PDE3A: variants seen among roughly 807,000 people sequenced by gnomAD.
PDE3A encodes phosphodiesterase 3A.
In PDE3A, 43 loss-of-function variants were observed where a neutral mutation model predicts 98.3. The ratio of observed to expected loss-of-function variants is 0.44; its 90% CI spans 0.34 to 0.56. The LOEUF (loss-of-function observed/expected upper bound fraction) is 0.56. PDE3A is among the 20% of genes least tolerant of loss of function. PDE3A has a pLI of 0.01. For synonymous variants in PDE3A, 663 were observed against 567.9 expected (o/e 1.17, Z -2.38); for missense variants, 1,427 against 1,440.7 (o/e 0.99, Z 0.15).
intron 1 of PDE3A, among the ~76,000 whole-genome samples, chr12:20,465,154 AG>A (rs1945319296): frequency 6.6e-6 from 1 of 152,164 alleles, no homozygotes; most frequent in African/African-American, 2.4e-5. Context: ...TTCCTTTCTG[AG>A]GATAAAAGTC....
intron 1 of PDE3A, among the ~76,000 whole-genome samples, chr12:20,480,232 G>A (rs544618563): frequency 1.3e-5 from 2 of 152,276 alleles, no homozygotes; most frequent in South Asian, 4.1e-4. Flanking sequence ...GGCAGTTAGT[G>A]TCAATGCTAC....
chr12:20,481,749 T>C (rs1434913598), intron 1 of PDE3A, among the ~76,000 whole-genome samples: 2 of 138,298 alleles, frequency 1.4e-5, no homozygotes, highest in Non-Finnish European at 1.5e-5. Context: ...TCCATGTAAG[T>C]GACTTGGGAA....
intron 1 of PDE3A, among the ~76,000 whole-genome samples, chr12:20,526,439 T>G (rs1025341844): frequency 1.3e-5 from 2 of 152,202 alleles, no homozygotes; most frequent in Non-Finnish European, 2.9e-5. Context: ...TTGAAAATCA[T>G]TTTTTAAATC....
chr12:20,471,568 A>G (rs1945440823), intron 1 of PDE3A, among the ~76,000 whole-genome samples: 1 of 152,074 alleles, frequency 6.6e-6, no homozygotes, highest in Non-Finnish European at 1.5e-5. Context: ...CATTGCTATT[A>G]TTTTCTGAAC....
chr12:20,408,987 C>T (rs1040019254), intron 1 of PDE3A, among the ~76,000 whole-genome samples: 1 of 152,160 alleles, frequency 6.6e-6, no homozygotes, highest in African/African-American at 2.4e-5. Context: ...TCCTCTCTCC[C>T]TCCCTTTCTT....
intron 13 of PDE3A, 74 bp from the exon 14 acceptor site, chr12:20,650,371 C>G: frequency 1.1e-6 from 1 of 910,562 alleles, no homozygotes; most frequent in East Asian, 2.4e-5. Context: ...AATAAATGTT[C>G]TATTGTTTTT....
intron 1 of PDE3A, among the ~76,000 whole-genome samples, chr12:20,518,632 G>A (rs976557830): frequency 1.3e-5 from 2 of 152,004 alleles, no homozygotes; most frequent in East Asian, 3.9e-4. Context: ...ATTAATAGAT[G>A]TTTCAGATCC....
At chr12:20,626,788 G>A (rs370255563) in intron 5 of PDE3A, among the ~76,000 whole-genome samples, 15 of 152,132 alleles carry the variant, frequency 9.9e-5, no homozygotes, top group East Asian at 3.9e-4. Context: ...ATGAGCCACC[G>A]CGCCTAGCCG....
chr12:20,402,508 T>C (rs1944151485), intron 1 of PDE3A, among the ~76,000 whole-genome samples: 1 of 152,116 alleles, frequency 6.6e-6, no homozygotes, highest in South Asian at 2.1e-4. Context: ...AAATCAAATA[T>C]AAAATCATTT....
intron 1 of PDE3A, among the ~76,000 whole-genome samples, chr12:20,447,144 G>A (rs191888739): frequency 1.6e-3 from 239 of 152,314 alleles, no homozygotes; most frequent in African/African-American, 5.4e-3. Flanking sequence ...GGCAGCATGA[G>A]ACAAGCCTCT....
intron 2 of PDE3A, among the ~76,000 whole-genome samples, chr12:20,578,429 A>G (rs1942987625): frequency 1.3e-5 from 2 of 151,494 alleles, no homozygotes; most frequent in African/African-American, 2.4e-5. Context: ...TCTATTGGGT[A>G]TGGCTTTGGC....
At chr12:20,604,972 G>GTGTT (rs1943676003) in intron 2 of PDE3A, among the ~76,000 whole-genome samples, 2 of 152,148 alleles carry the variant, frequency 1.3e-5, no homozygotes, top group South Asian at 4.1e-4. Flanking sequence ...GCCTTTAGGT[G>GTGTT]TGTTGTGATT....
intron 3 of PDE3A, among the ~76,000 whole-genome samples, chr12:20,615,573 ACTT>A (rs1416769003): frequency 6.6e-6 from 1 of 152,122 alleles, no homozygotes; most frequent in Non-Finnish European, 1.5e-5. Flanking sequence ...TTGAGGAAGA[ACTT>A]CTCATAATAA....
chr12:20,573,436 C>T (rs1942851297), intron 2 of PDE3A, among the ~76,000 whole-genome samples: 1 of 151,426 alleles, frequency 6.6e-6, no homozygotes, highest in South Asian at 2.1e-4. Context: ...ATTATTATAC[C>T]TTTACCTATG....
intron 1 of PDE3A, among the ~76,000 whole-genome samples, chr12:20,551,366 A>C (rs1246230008): frequency 6.6e-6 from 1 of 152,142 alleles, no homozygotes; most frequent in Middle Eastern, 3.4e-3. Context: ...AGTTTTATAT[A>C]GCCAGATCAA....
At position 20,369,533 on chromosome 12, in the gene PDE3A, G is replaced by A; in HGVS notation, c.249G>A (p.Gly83=). The change falls in exon 1 of 16, where the codon GGG becomes GGA. Residue 83 remains glycine (G), a synonymous_variant. Transcript: ENST00000359062. The part of the protein sequence containing the change: ...LLALLVRLVR[G]EVGCDLEQCK... ...CGCTGCTGGTGAGGCTGGTCCGCGGGGAGGTCGGCTGTGACCTGGAGCAGT... is the reference window on the plus strand; with the variant it reads ...CGCTGCTGGTGAGGCTGGTCCGCGGAGAGGTCGGCTGTGACCTGGAGCAGT... 1 of 1,559,184 alleles carries A rather than the reference G, an allele frequency of 6.4e-7. No homozygotes were observed. The highest frequency in any genetic ancestry group is 8.7e-7 in the Non-Finnish European group (1 of 1,151,772).
intron 6 of PDE3A, among the ~76,000 whole-genome samples, chr12:20,632,600 G>T (rs1944405883): frequency 6.6e-6 from 1 of 152,056 alleles, no homozygotes; most frequent in Non-Finnish European, 1.5e-5. Flanking sequence ...TGGGGTTACT[G>T]TTTAATATTT....
chr12:20,483,530 G>A (rs1945670279), intron 1 of PDE3A, among the ~76,000 whole-genome samples: 1 of 152,178 alleles, frequency 6.6e-6, no homozygotes, highest in Admixed American at 6.5e-5. Flanking sequence ...TATCAAGTAT[G>A]TGTTACTTGA....
At chr12:20,526,905 TG>T in intron 1 of PDE3A, among the ~76,000 whole-genome samples, 1 of 150,760 alleles carries the variant, frequency 6.6e-6, no homozygotes, top group South Asian at 2.1e-4. Context: ...TGTGTGTGTG[TG>T]TGTGTGTGTG....
Sources: gnomAD v4.1 joint callset for allele counts (sites outside exome capture counted in the v4.1 genomes callset) on GRCh38, gnomAD v4.1.1 for gene constraint, MANE v1.5 for transcripts, NCBI Gene and HGNC (gene_info 2026-07-23, HGNC 2026-07-21) for gene names.